The following B3GLCT variants were observed in gnomAD, a reference collection of about 807,000 sequenced individuals.
B3GLCT encodes beta-1,3-glucosyltransferase.
A neutral mutation model predicts 63.4 loss-of-function variants in B3GLCT; 65 were observed. The observed-to-expected ratio is 1.03, with a 90% CI of 0.84 to 1.26. The LOEUF (loss-of-function observed/expected upper bound fraction) is 1.26, where lower values mean the gene tolerates loss of function less well. B3GLCT is among the 50% of genes most tolerant of loss of function. The pLI is 0.00. For synonymous variants in B3GLCT, 233 were observed against 219.2 expected (o/e 1.06, Z -0.55); for missense variants, 577 against 604.8 (o/e 0.95, Z 0.48).
chr13:31,262,931 A>G (rs1872110946), intron 7 of B3GLCT, among the ~76,000 whole-genome samples: 1 of 152,170 alleles, frequency 6.6e-6, no homozygotes, highest in South Asian at 2.1e-4. Flanking sequence ...TAACCTCTGT[A>G]TAAGCCTGTT....
At chr13:31,295,851 C>T (rs1364676695) in intron 12 of B3GLCT, among the ~76,000 whole-genome samples, 1 of 152,148 alleles carries the variant, frequency 6.6e-6, no homozygotes, top group Non-Finnish European at 1.5e-5. Flanking sequence ...ATTCCAGGCA[C>T]CACTGGGGTA....
At chr13:31,325,872 A>G (rs572050300) in intron 14 of B3GLCT, among the ~76,000 whole-genome samples, 2 of 152,236 alleles carry the variant, frequency 1.3e-5, no homozygotes, top group Non-Finnish European at 2.9e-5. Flanking sequence ...GCAGTCTCAT[A>G]TGCAAAATTG....
At chr13:31,224,123 C>CT (rs2137761258) in intron 3 of B3GLCT, among the ~76,000 whole-genome samples, 1 of 152,228 alleles carries the variant, frequency 6.6e-6, no homozygotes, top group East Asian at 1.9e-4. Context: ...GTCTTGGGCA[C>CT]GCATATCTAG....
chr13:31,276,957 A>G (rs1015547911), intron 10 of B3GLCT, among the ~76,000 whole-genome samples, 186 bp downstream of exon 10: 10 of 152,224 alleles, frequency 6.6e-5, no homozygotes, highest in African/African-American at 2.2e-4. Context: ...CAATTAGGAA[A>G]GAAAATTTTG....
At chr13:31,245,147 C>T (rs1157834833) in intron 4 of B3GLCT, among the ~76,000 whole-genome samples, 1 of 152,064 alleles carries the variant, frequency 6.6e-6, no homozygotes, top group African/African-American at 2.4e-5. Flanking sequence ...GTTTGCACTA[C>T]CTAAACCTTT....
chr13:31,327,571 G>A (rs1202175817), intron 14 of B3GLCT, among the ~76,000 whole-genome samples: 1 of 152,144 alleles, frequency 6.6e-6, no homozygotes, highest in African/African-American at 2.4e-5. Flanking sequence ...CCATGGATAA[G>A]GGGGAACTAC....
At chr13:31,286,593 T>C in intron 11 of B3GLCT, 127 bp from the exon 12 acceptor site, 1 of 647,972 alleles carries the variant, frequency 1.5e-6, no homozygotes. Flanking sequence ...TTTTAAAAAT[T>C]TTGAACTTTT....
At chr13:31,308,363 A>AAAAAAAAAAAAC (rs1449376190) in intron 12 of B3GLCT, among the ~76,000 whole-genome samples, 4 of 4,330 alleles carry the variant, frequency 9.2e-4, no homozygotes, top group East Asian at 0.25. Context: ...AAAAAAAACA[A>AAAAAAAAAAAAC]AAAAAAAAGC....
chr13:31,327,941 G>A (rs1371796397), intron 14 of B3GLCT, among the ~76,000 whole-genome samples: 8 of 152,190 alleles, frequency 5.3e-5, no homozygotes, highest in Non-Finnish European at 1.2e-4. Context: ...CAGTATATTT[G>A]TACTGGTGAA....
chr13:31,240,491 T>TTTA (rs1555247684), intron 4 of B3GLCT, among the ~76,000 whole-genome samples: 9 of 150,218 alleles, frequency 6.0e-5, no homozygotes, highest in Non-Finnish European at 1.2e-4. Context: ...TTTTTTTTTT[T>TTTA]ATATTAAAAA....
intron 12 of B3GLCT, among the ~76,000 whole-genome samples, chr13:31,301,561 G>A (rs774421221): frequency 2.6e-5 from 4 of 152,154 alleles, no homozygotes; most frequent in Non-Finnish European, 5.9e-5. Context: ...ACACTTTTAT[G>A]TTCTAGTCCC....
chr13:31,300,668 G>A (rs993984176), intron 12 of B3GLCT, among the ~76,000 whole-genome samples: 4 of 152,080 alleles, frequency 2.6e-5, no homozygotes, highest in African/African-American at 7.2e-5. Flanking sequence ...ATGAGTCATG[G>A]GTCTGAGTGG....
At chr13:31,310,170 C>G (rs1301935886) in intron 12 of B3GLCT, among the ~76,000 whole-genome samples, 1 of 152,316 alleles carries the variant, frequency 6.6e-6, no homozygotes, top group South Asian at 2.1e-4. Context: ...TCAGCACACA[C>G]TCCCCGATCC....
intron 4 of B3GLCT, among the ~76,000 whole-genome samples, chr13:31,233,544 T>C (rs926340980): frequency 1.3e-5 from 2 of 152,180 alleles, no homozygotes; most frequent in Admixed American, 1.3e-4. Flanking sequence ...TGAAGTGTCT[T>C]GTCCTGCTTG....
intron 4 of B3GLCT, among the ~76,000 whole-genome samples, chr13:31,235,858 A>G (rs1870623745): frequency 6.6e-6 from 1 of 151,856 alleles, no homozygotes; most frequent in Non-Finnish European, 1.5e-5. Flanking sequence ...CCACCATTCT[A>G]CTTGCTGTTT....
intron 7 of B3GLCT, among the ~76,000 whole-genome samples, chr13:31,265,735 T>C (rs545383522): frequency 6.6e-6 from 1 of 152,322 alleles, no homozygotes; most frequent in Admixed American, 6.5e-5. Context: ...CTGTTTCTGG[T>C]TTTCTCCATT....
intron 3 of B3GLCT, among the ~76,000 whole-genome samples, chr13:31,226,763 C>T (rs1175480406): frequency 6.6e-6 from 1 of 151,608 alleles, no homozygotes; most frequent in African/African-American, 2.4e-5. Context: ...GAGAAATCTA[C>T]TCTTTAAAAA....
rs1470881720 is a variant in B3GLCT, at chr13:31,331,468, T to G, written c.*1800T>G. Reference sequence around the variant, plus strand: ...GTACTTTTAAGTGTTTTGTTAATTATATTTACTTTTTGGAATGGTGTAAGC... The same window carrying G: ...GTACTTTTAAGTGTTTTGTTAATTAGATTTACTTTTTGGAATGGTGTAAGC... On this transcript the variant is annotated 3_prime_UTR_variant, in exon 15 of 15. Coordinates refer to ENST00000343307, the MANE Select transcript of B3GLCT (RefSeq NM_194318.4). 6.6e-6 allele frequency: 1 copy of G among 152,206 alleles called. No individual in the cohort carries two copies. Among genetic ancestry groups the G allele is most frequent in the Non-Finnish European group, 1.5e-5 (1 of 68,044 alleles). 9.4% of individuals were successfully genotyped at this position (152,206 alleles called of 1,614,324 possible).
At chr13:31,298,034 G>A (rs1165991926) in intron 12 of B3GLCT, among the ~76,000 whole-genome samples, 1 of 152,126 alleles carries the variant, frequency 6.6e-6, no homozygotes, top group Non-Finnish European at 1.5e-5. Context: ...TAAACCATTG[G>A]CCACTGATGA....
Sources: allele counts gnomAD v4.1 joint callset (sites outside exome capture counted in the v4.1 genomes callset), GRCh38; gene constraint gnomAD v4.1.1; transcripts MANE v1.5; gene names NCBI Gene and HGNC (gene_info 2026-07-23, HGNC 2026-07-21).